AFG2A: variants seen among roughly 807,000 people sequenced by gnomAD.
AFG2A encodes the protein AAA ATPase AFG2A.
the AFG2A span, among the ~76,000 whole-genome samples, chr4:123,276,123 T>A: frequency 6.6e-6 from 1 of 152,316 alleles, no homozygotes; most frequent in Non-Finnish European, 1.5e-5. Flanking sequence ...ATCATTCCCT[T>A]TTCCCTGACA....
At chr4:123,149,942 G>T in the AFG2A span, among the ~76,000 whole-genome samples, 2 of 151,668 alleles carry the variant, frequency 1.3e-5, no homozygotes, top group Admixed American at 1.3e-4. Context: ...AGTTAGCTGG[G>T]ACTACAGGCA....
At chr4:123,185,321 G>C in the AFG2A span, among the ~76,000 whole-genome samples, 1 of 151,604 alleles carries the variant, frequency 6.6e-6, no homozygotes, top group African/African-American at 2.4e-5. Flanking sequence ...GTATTCAAAG[G>C]TTCATAACAT....
chr4:123,214,720 C>G, the AFG2A span, among the ~76,000 whole-genome samples: 2 of 151,982 alleles, frequency 1.3e-5, no homozygotes, highest in South Asian at 2.1e-4. Flanking sequence ...AAACACTACT[C>G]AGCCTTAAGA....
the AFG2A span, among the ~76,000 whole-genome samples, chr4:123,006,669 A>C: frequency 2.0e-5 from 3 of 152,134 alleles, no homozygotes; most frequent in East Asian, 5.8e-4. Context: ...TATTGTGGAC[A>C]TTGTAGTTTT....
the AFG2A span, among the ~76,000 whole-genome samples, chr4:123,073,291 G>T: frequency 6.6e-6 from 1 of 150,600 alleles, no homozygotes; most frequent in Non-Finnish European, 1.5e-5. Context: ...CTTATAAATT[G>T]TATCTTTATT....
At chr4:123,177,082 A>G in the AFG2A span, among the ~76,000 whole-genome samples, 1 of 152,120 alleles carries the variant, frequency 6.6e-6, no homozygotes, top group African/African-American at 2.4e-5. Flanking sequence ...AGAGAAACCA[A>G]GTTTATTATA....
chr4:123,077,704 C>T, the AFG2A span, among the ~76,000 whole-genome samples: 1 of 152,180 alleles, frequency 6.6e-6, no homozygotes, highest in Non-Finnish European at 1.5e-5. Flanking sequence ...AGTAAGCTTG[C>T]CTGCCCTTTG....
At chr4:123,110,742 C>T in the AFG2A span, among the ~76,000 whole-genome samples, 3 of 152,114 alleles carry the variant, frequency 2.0e-5, no homozygotes, top group Non-Finnish European at 4.4e-5. Context: ...TCCTGACAAC[C>T]CTGCAAAGTA....
At chr4:123,222,974 C>A in the AFG2A span, among the ~76,000 whole-genome samples, 17 of 152,224 alleles carry the variant, frequency 1.1e-4, no homozygotes, top group Middle Eastern at 3.4e-3. Context: ...CATCTTGGCT[C>A]TTGTGAATAG....
chr4:123,079,519 T>C, the AFG2A span, among the ~76,000 whole-genome samples: 2 of 152,082 alleles, frequency 1.3e-5, no homozygotes, highest in Non-Finnish European at 2.9e-5. Flanking sequence ...CCTTTGGAAC[T>C]GTTTAGTTAT....
chr4:123,028,387 G>T, the AFG2A span: 1 of 1,614,068 alleles, frequency 6.2e-7, no homozygotes, highest in Non-Finnish European at 8.5e-7. Flanking sequence ...GAATTTTCTA[G>T]CTATAAAGGT....
At chr4:123,158,785 C>T in the AFG2A span, among the ~76,000 whole-genome samples, 1 of 152,216 alleles carries the variant, frequency 6.6e-6, no homozygotes, top group African/African-American at 2.4e-5. Flanking sequence ...GGAAAGAATG[C>T]CAGGTTGCAA....
At chr4:123,255,403 G>A in the AFG2A span, among the ~76,000 whole-genome samples, 1 of 151,740 alleles carries the variant, frequency 6.6e-6, no homozygotes, top group Non-Finnish European at 1.5e-5. Flanking sequence ...TGTAGTCCCA[G>A]CCACTAGGGA....
chr4:123,233,277 A>ACG, the AFG2A span, among the ~76,000 whole-genome samples: 9 of 147,590 alleles, frequency 6.1e-5, no homozygotes, highest in Admixed American at 1.4e-4. Context: ...ACACACACAC[A>ACG]CGCACACACA....
At chr4:123,206,946 G>A in the AFG2A span, among the ~76,000 whole-genome samples, 1,587 of 150,844 alleles carry the variant, frequency 0.011, 31 homozygotes, top group African/African-American at 0.036. Flanking sequence ...GAATCAAGTG[G>A]AAAATTGGGC....
At chr4:122,973,262 C>T in the AFG2A span, among the ~76,000 whole-genome samples, 7 of 151,976 alleles carry the variant, frequency 4.6e-5, no homozygotes, top group African/African-American at 1.7e-4. Flanking sequence ...TCCTTTTATT[C>T]TTTTACTTTC....
chr4:122,938,278 G>C, the AFG2A span: 1 of 1,509,124 alleles, frequency 6.6e-7, no homozygotes, highest in Middle Eastern at 1.8e-4. Flanking sequence ...TTGATTCTGT[G>C]TAGGGTTAAT....
the AFG2A span, among the ~76,000 whole-genome samples, chr4:123,110,799 G>T: frequency 6.6e-6 from 1 of 152,168 alleles, no homozygotes; most frequent in African/African-American, 2.4e-5. Flanking sequence ...TGCTCAAAGA[G>T]ATTAAATAGC....
the AFG2A span, among the ~76,000 whole-genome samples, chr4:123,303,037 T>G: frequency 2.0e-5 from 3 of 152,206 alleles, no homozygotes; most frequent in African/African-American, 7.2e-5. Context: ...TTTGCTCTCT[T>G]ATCCCTCTCC....
Sources: gnomAD v4.1 joint callset for allele counts (sites outside exome capture counted in the v4.1 genomes callset) on GRCh38, gnomAD v4.1.1 for gene constraint, MANE v1.5 for transcripts, NCBI Gene and HGNC (gene_info 2026-07-23, HGNC 2026-07-21) for gene names.